The following RPS2 variants were observed in gnomAD, a reference collection of about 807,000 sequenced individuals.
RPS2 encodes the protein ribosomal protein S2, also known as small ribosomal subunit protein uS5.
Under a neutral mutation model 25.3 loss-of-function variants are expected in RPS2, and 8 were observed. That is an observed-to-expected ratio of 0.32 (90% confidence interval 0.19 to 0.57). RPS2 has a LOEUF of 0.57. RPS2 is among the 20% of genes least tolerant of loss of function. RPS2 has a pLI of 0.90. For synonymous variants in RPS2, 181 were observed against 161.3 expected (o/e 1.12, Z -0.92); for missense variants, 229 against 408.1 (o/e 0.56, Z 3.78).
chr16:1,963,284 G>T, intron 3 of RPS2, 28 bp from the exon 4 acceptor site: 1 of 1,402,256 alleles, frequency 7.1e-7, no homozygotes, highest in Non-Finnish European at 9.7e-7. Context: ...ATTGTAGGGA[G>T]AGCATTAAAA....
At chr16:1,963,020 G>C in intron 4 of RPS2, 111 bp from the exon 5 acceptor site, 1 of 1,381,594 alleles carries the variant, frequency 7.2e-7, no homozygotes, top group South Asian at 1.2e-5. Flanking sequence ...AGGCCCATCC[G>C]AGGTCCTGAG....
At chr16:1,964,007 C>G in intron 3 of RPS2, 1 of 493,566 alleles carries the variant, frequency 2.0e-6, no homozygotes, top group East Asian at 3.8e-5. Context: ...ATGAACCAAG[C>G]GCTGCTTCTC....
intron 3 of RPS2, chr16:1,963,903 AGAT>A: frequency 2.4e-6 from 1 of 413,076 alleles, no homozygotes; most frequent in Non-Finnish European, 4.8e-6. Flanking sequence ...CGCTGGATGC[AGAT>A]GACAGCTGTC....
chr16:1,964,770 C>G, intron 1 of RPS2, 37 bp downstream of exon 1: 1 of 554,694 alleles, frequency 1.8e-6, no homozygotes, highest in South Asian at 2.4e-5. Flanking sequence ...TCCCGCCGCC[C>G]ACGCAGAGGC....
chr16:1,964,263 G>A lies in RPS2; in HGVS notation c.267+13C>T, dbSNP rs763684620. ...GGTCGCACTTGCTCAACGCCCCAAC[G>A]ACCGACGCGTACCTTAATAGGCAGG... is the stretch of plus-strand genomic sequence containing the variant. On this transcript the variant is annotated intron_variant, in intron 3 of 6. Transcript: ENST00000343262. 1.9e-6 allele frequency: 3 copies of A among 1,604,308 alleles called. No individual in the cohort carries two copies. Among genetic ancestry groups the A allele is most frequent in the South Asian group, 1.1e-5 (1 of 90,820 alleles).
chr16:1,964,807 G>C lies in RPS2; in HGVS notation c.-4C>G, dbSNP rs528825159. 2.8e-5 allele frequency: 15 copies of C among 540,272 alleles called. No homozygotes were observed. Among genetic ancestry groups the C allele is most frequent in the African/African-American group, 8.1e-5 (4 of 49,410 alleles). The allele number at this position is 540,272 out of a possible 1,614,324, so 33.5% of individuals were successfully genotyped here. The stretch of plus-strand genomic sequence containing the variant: ...CGCTGCAGCGACCAACAGGACTCAC[G>C]TGTTTTGTCGGAAAAGAAGAACGAG... On this transcript the variant is annotated splice_region_variant and 5_prime_UTR_variant, in exon 1 of 7. Transcript: ENST00000343262.
Position 1,962,490 on chromosome 16 carries a change from C to G in RPS2, c.709+7G>C, listed in dbSNP as rs762502199. On this transcript the variant is annotated splice_region_variant and intron_variant, in intron 6 of 6. Coordinates refer to ENST00000343262, the MANE Select transcript of RPS2 (RefSeq NM_002952.4). ...CCATGGCTATGCCCCATGTGTGGAC[C>G]ACCTACCGAAGTTGCCCAGGGTGGC... 1 of 1,612,016 alleles carries G rather than the reference C, an allele frequency of 6.2e-7. No homozygotes were observed.
chr16:1,964,776 G>A (rs1385508748), intron 1 of RPS2, 31 bp downstream of exon 1: 8 of 555,424 alleles, frequency 1.4e-5, no homozygotes, highest in Non-Finnish European at 2.5e-5. Flanking sequence ...CGCCCACGCA[G>A]AGGCCCGCTG....
At chr16:1,964,398 C>T (rs371546958) in intron 2 of RPS2, 33 bp from the exon 3 acceptor site, 8 of 1,613,050 alleles carry the variant, frequency 5.0e-6, no homozygotes, top group South Asian at 3.3e-5. Flanking sequence ...TGACCAGGAC[C>T]GCTCTCCGGC....
intron 1 of RPS2, 28 bp downstream of exon 1, chr16:1,964,779 G>T: frequency 1.8e-6 from 1 of 551,532 alleles, no homozygotes; most frequent in Non-Finnish European, 3.1e-6. Context: ...CCACGCAGAG[G>T]CCCGCTGCAG....
chr16:1,964,421 C>G, intron 2 of RPS2, 28 bp downstream of exon 2: 4 of 1,612,702 alleles, frequency 2.5e-6, no homozygotes, highest in Non-Finnish European at 3.4e-6. Context: ...CGCCCAGGGG[C>G]CCGACCCCGA....
At position 1,964,600 on chromosome 16, in the gene RPS2, C is replaced by A. The variant is rs989713704; in HGVS notation, c.26G>T (p.Gly9Val). The change falls in exon 2 of 7, where the codon GGG becomes GTG. Residue 9 changes from glycine (G) to valine (V), a missense_variant. Transcript: ENST00000343262. MADDAGAA[G>V]GPGGPGGPGM... ...AGGGCCACCAGGGCCCCCGGGCCCC[C>A]CCGCTGCACCGGCGTCATCCGCCAT... The A allele has an allele frequency of 2.6e-6, 4 of 1,525,028 alleles. No individual in the cohort carries two copies. Among genetic ancestry groups the A allele is most frequent in the Middle Eastern group, 4.8e-4 (2 of 4,160 alleles). The allele number at this position is 1,525,028 out of a possible 1,614,324, so 94.5% of individuals were successfully genotyped here. A position where few individuals can be genotyped will look rare whatever the true frequency, so the allele number is the denominator to read the frequency against.
Position 1,962,920 on chromosome 16 carries a change from A to G in RPS2, c.376-11T>C, listed in dbSNP as rs1555483024. 110 of 1,591,082 alleles carry G rather than the reference A, an allele frequency of 6.9e-5. 4 individuals are homozygous for G. In the South Asian group the frequency reaches 1.2e-3, roughly 17 times the overall value. The stretch of plus-strand genomic sequence containing the variant: ...GATAGCAACAAATGCCTGCGAAAAG[A>G]TGTGTGTGAGGCAGCTGGTGGCCCT... On this transcript the variant is annotated splice_polypyrimidine_tract_variant and intron_variant, in intron 4 of 6. Coordinates refer to ENST00000343262, the MANE Select transcript of RPS2 (RefSeq NM_002952.4).
Position 1,964,261 on chromosome 16 carries a change from ACG to A in RPS2, c.267+13_267+14del, listed in dbSNP as rs2083286576. On this transcript the variant is annotated intron_variant, in intron 3 of 6. Transcript: ENST00000343262. The stretch of plus-strand genomic sequence containing the variant: ...GGGGTCGCACTTGCTCAACGCCCCA[ACG>A]ACCGACGCGTACCTTAATAGGCAGG... The A allele has an allele frequency of 6.2e-7, 1 of 1,602,390 alleles. No homozygotes were observed. Among genetic ancestry groups the A allele is most frequent in the African/African-American group, 1.3e-5 (1 of 74,664 alleles).
intron 4 of RPS2, 50 bp downstream of exon 4, chr16:1,963,092 CAGAGCCG>C: frequency 6.9e-7 from 1 of 1,442,814 alleles, no homozygotes; most frequent in Non-Finnish European, 9.8e-7. Context: ...TGCAACTATG[CAGAGCCG>C]AGAGAGTCCC....
chr16:1,963,098 C>A (rs374620779), intron 4 of RPS2, 51 bp downstream of exon 4: 78 of 1,465,898 alleles, frequency 5.3e-5, no homozygotes, highest in Non-Finnish European at 7.3e-5. Flanking sequence ...TATGCAGAGC[C>A]GAGAGAGTCC....
chr16:1,964,249 C>T lies in RPS2; in HGVS notation c.267+27G>A, dbSNP rs376266540. The T allele has an allele frequency of 8.3e-5, 131 of 1,578,138 alleles. No individual in the cohort carries two copies. The African/African-American group carries it at 1.5e-3, about 18-fold the overall frequency. ...CCAAATGACTCCGGGGTCGCACTTG[C>T]TCAACGCCCCAACGACCGACGCGTA... On this transcript the variant is annotated intron_variant, in intron 3 of 6. Coordinates refer to ENST00000343262, the MANE Select transcript of RPS2 (RefSeq NM_002952.4).
At chr16:1,962,986 C>T (rs780839395) in intron 4 of RPS2, 77 bp from the exon 5 acceptor site, 3 of 1,526,220 alleles carry the variant, frequency 2.0e-6, no homozygotes, top group Admixed American at 3.3e-5. Flanking sequence ...TGTTGCACCC[C>T]TCAAGGAAAG....
chr16:1,962,982 A>AC (rs1255824933), intron 4 of RPS2, 73 bp from the exon 5 acceptor site: 1 of 1,528,204 alleles, frequency 6.5e-7, no homozygotes, highest in African/African-American at 1.4e-5. Flanking sequence ...GGCCTGTTGC[A>AC]CCCCTCAAGG....
Sources: allele counts gnomAD v4.1 joint callset, GRCh38; gene constraint gnomAD v4.1.1; transcripts MANE v1.5; gene names NCBI Gene and HGNC (gene_info 2026-07-23, HGNC 2026-07-21).